The following ZNF624 variants were observed in gnomAD, a reference collection of about 807,000 sequenced individuals.
ZNF624 encodes the protein zinc finger protein 624.
ZNF624 carries 43 observed loss-of-function variants against 74.7 expected under a neutral mutation model. The ratio of observed to expected loss-of-function variants is 0.58; its 90% CI spans 0.45 to 0.74. The LOEUF (loss-of-function observed/expected upper bound fraction) is 0.74, where lower values mean the gene tolerates loss of function less well. ZNF624 is among the 30% of genes least tolerant of loss of function. The probability of loss-of-function intolerance (pLI) is 0.00; values close to 1 mark genes in which losing one functional copy is unlikely to be tolerated. For missense variants in ZNF624, 820 were observed against 1,030.0 expected, an observed-to-expected ratio of 0.80 and a Z score of 2.79; for synonymous variants, 331 against 341.3, an observed-to-expected ratio of 0.97 and a Z score of 0.33.
At chr17:16,619,354 T>C (rs1908855721), downstream of ZNF624, among the ~76,000 whole-genome samples, 1 of 152,160 alleles carries the variant, frequency 6.6e-6, no homozygotes, top group Non-Finnish European at 1.5e-5. Flanking sequence ...AGAAAAGTTA[T>C]TATCAAAATT....
chr17:16,622,474 C>G lies in ZNF624; in HGVS notation c.2412G>C (p.Gly804=), dbSNP rs867383758. ...QLTLHQRIHT[G]ERPYKCEECG... ...ATTCTTCACATTTATAGGGCCTCTC[C>G]CCAGTATGAATTCTCTGATGTAGGG... Residue 804 remains glycine, a synonymous_variant, in exon 6 of 6, where the codon GGG becomes GGC. Transcript: ENST00000311331. The G allele has an allele frequency of 1.9e-6, 3 of 1,613,650 alleles. No homozygotes were observed. The highest frequency in any genetic ancestry group is 2.7e-5 in the African/African-American group (2 of 74,944).
chr17:16,641,326 A>G (rs543101546), intron 3 of ZNF624, among the ~76,000 whole-genome samples: 2 of 151,758 alleles, frequency 1.3e-5, no homozygotes, highest in South Asian at 4.2e-4. Context: ...CTCATCGCCC[A>G]GGCTGGAGTA....
intron 1 of ZNF624, among the ~76,000 whole-genome samples, chr17:16,652,499 T>TTTATGTAGA (rs145192409): frequency 2.0e-5 from 3 of 152,178 alleles, no homozygotes; most frequent in Admixed American, 6.5e-5. Context: ...TTGGCAATAC[T>TTTATGTAGA]TTATGTAGAT....
In ZNF624 at chr17:16,624,406, C is replaced by A; in HGVS notation, c.480G>T (p.Leu160=). The A allele has an allele frequency of 6.2e-7, 1 of 1,613,766 alleles. No homozygotes were observed. The highest frequency in any genetic ancestry group is 1.7e-5 in the Admixed American group (1 of 59,938). The change falls in exon 6 of 6, where the codon CTG becomes CTT. Residue 160 remains leucine, a synonymous_variant. Coordinates refer to ENST00000311331, the MANE Select transcript of ZNF624 (RefSeq NM_020787.4). ...AILEKLTENG[L]WDSRMEGLWK... is the part of the protein sequence containing the mutation. The stretch of plus-strand genomic sequence containing the variant: ...ATAACCCTTCCATTCTGGAATCCCA[C>A]AGACCATTCTCTGTAAGTTTCTCTA...
At chr17:16,633,723 C>G in intron 5 of ZNF624, 139 bp downstream of exon 5, 1 of 589,522 alleles carries the variant, frequency 1.7e-6, no homozygotes, top group Non-Finnish European at 2.9e-6. Context: ...GAGGGACAGG[C>G]AGTGAGATGG....
intron 3 of ZNF624, among the ~76,000 whole-genome samples, chr17:16,643,454 T>C (rs935974646): frequency 6.6e-6 from 1 of 152,204 alleles, no homozygotes; most frequent in South Asian, 2.1e-4. Flanking sequence ...ATTTCATTTA[T>C]ATGAAATGTC....
At chr17:16,653,405 G>A (rs1486745143) in intron 1 of ZNF624, among the ~76,000 whole-genome samples, 1 of 152,248 alleles carries the variant, frequency 6.6e-6, no homozygotes, top group Non-Finnish European at 1.5e-5. Flanking sequence ...CAAGGCGCGG[G>A]GCTGGGAAGA....
chr17:16,623,990 G>C lies in ZNF624; in HGVS notation c.896C>G (p.Thr299Ser), dbSNP rs1908997569. 3 of 1,613,838 alleles carry C rather than the reference G, an allele frequency of 1.9e-6. No individual in the cohort carries two copies. Among genetic ancestry groups the C allele is most frequent in the Non-Finnish European group, 2.5e-6 (3 of 1,180,008 alleles). ...ATTACATTCATAAGGTTTTTCTTTAGTATGAGTTCTTTGATGTTGAATGAG... is the reference window on the plus strand; with the variant it reads ...ATTACATTCATAAGGTTTTTCTTTACTATGAGTTCTTTGATGTTGAATGAG... ...SLLIQHQRTH[T>S]KEKPYECNEC... The change falls in exon 6 of 6, where the codon ACT (threonine) becomes AGT (serine). Residue 299 changes from threonine to serine, a missense_variant. Thr to Ser is a moderately conservative substitution (Grantham distance 58). Coordinates refer to ENST00000311331, the MANE Select transcript of ZNF624 (RefSeq NM_020787.4). The surrounding 1 kb of genome is among the most constrained non-coding windows in gnomAD (Gnocchi z 5.3).
chr17:16,634,048 A>G (rs1597494314), intron 4 of ZNF624, 91 bp from the exon 5 acceptor site: 1 of 1,009,220 alleles, frequency 9.9e-7, no homozygotes, highest in East Asian at 2.5e-5. Flanking sequence ...TCTGGGCAGA[A>G]TGACCATTAC....
At chr17:16,617,938 T>C (rs1908826144), downstream of ZNF624, 2 of 1,132,168 alleles carry the variant, frequency 1.8e-6, no homozygotes, top group East Asian at 2.6e-5. Flanking sequence ...CGCAAGCCAG[T>C]AGCCGCGGTG....
chr17:16,631,413 A>G (rs899456867), intron 5 of ZNF624: 14 of 152,190 alleles, frequency 9.2e-5, no homozygotes, highest in Non-Finnish European at 1.6e-4. Flanking sequence ...AAAAAGGACT[A>G]AAAACAGTAA....
rs143264343 is a variant in ZNF624 at position 16,645,273 on chromosome 17, A to G, written c.153+2056T>C. On this transcript the variant is annotated intron_variant, in intron 3 of 5. Transcript: ENST00000311331. ...TGGCCAACACGGTGAAACCCCGTAC[A>G]CTAAAAATACAAAAATTAGCCGGAC... 8.0e-3 allele frequency among the ~76,000 whole-genome samples: 1,212 copies of G among 152,222 alleles called. 52 individuals carry two copies. Among genetic ancestry groups the G allele is most frequent in the Admixed American group, 0.057 (879 of 15,292 alleles).
At chr17:16,633,402 A>G (rs1186326911) in intron 5 of ZNF624, among the ~76,000 whole-genome samples, 1 of 152,324 alleles carries the variant, frequency 6.6e-6, no homozygotes, top group East Asian at 1.9e-4. Flanking sequence ...GGGTTCCTCC[A>G]AAGTTTCTGT....
intron 3 of ZNF624, among the ~76,000 whole-genome samples, chr17:16,635,247 C>A (rs944379505): frequency 6.6e-6 from 1 of 151,918 alleles, no homozygotes; most frequent in African/African-American, 2.4e-5. Context: ...ATATTATAAG[C>A]TTTCTCTTTG....
chr17:16,650,253 T>C (rs900269759), intron 1 of ZNF624, among the ~76,000 whole-genome samples: 2 of 152,138 alleles, frequency 1.3e-5, no homozygotes, highest in African/African-American at 4.8e-5. Flanking sequence ...GAAGAGTCTA[T>C]TTCCTAACAT....
intron 4 of ZNF624, 69 bp from the exon 5 acceptor site, chr17:16,634,026 A>C: frequency 1.6e-6 from 2 of 1,267,892 alleles, no homozygotes; most frequent in Non-Finnish European, 2.3e-6. Flanking sequence ...ATTCAGTCTC[A>C]GTTCTTAATC....
chr17:16,652,152 T>G (rs182037755), intron 1 of ZNF624, among the ~76,000 whole-genome samples: 1,554 of 152,080 alleles, frequency 0.01, 23 homozygotes, highest in African/African-American at 0.036. Flanking sequence ...TCTTAATTTT[T>G]GGGGGGGTAC....
chr17:16,630,698 G>T (rs114551853), intron 5 of ZNF624, among the ~76,000 whole-genome samples: 1 of 152,126 alleles, frequency 6.6e-6, no homozygotes, highest in Admixed American at 6.5e-5. Context: ...AGTAATATTA[G>T]TATCAGACAA....
Position 16,623,476 on chromosome 17 carries a change from T to A in ZNF624, c.1410A>T (p.Lys470Asn), listed in dbSNP as rs1317027509. The change falls in exon 6 of 6, where the codon AAA becomes AAT. Residue 470 changes from lysine (K) to asparagine (N), a missense_variant. By Grantham distance (94) the Lys-to-Asn change is moderately conservative. Transcript: ENST00000311331. This position sits in a 1 kb window ranked among gnomAD's most constrained non-coding sequence, Gnocchi z 5.3. ...NVHQRIHTGE[K>N]PFRCNECGKA... ...TTCCACATTCGTTACATCTAAAAGGTTTCTCTCCAGTATGAATCCTCTGAT... is the reference window on the plus strand; with the variant it reads ...TTCCACATTCGTTACATCTAAAAGGATTCTCTCCAGTATGAATCCTCTGAT... 1 of 1,613,644 alleles carries A rather than the reference T, an allele frequency of 6.2e-7. No individual in the cohort carries two copies. Among genetic ancestry groups the A allele is most frequent in the Non-Finnish European group, 8.5e-7 (1 of 1,179,918 alleles).
Sources: gnomAD v4.1 joint callset for allele counts (sites outside exome capture counted in the v4.1 genomes callset) on GRCh38, gnomAD v4.1.1 for gene constraint, Gnocchi (gnomAD v3.1) non-coding constraint, MANE v1.5 for transcripts, NCBI Gene and HGNC (gene_info 2026-07-23, HGNC 2026-07-21) for gene names.